ADAMTS12: variants seen among roughly 807,000 people sequenced by gnomAD.
ADAMTS12 encodes the protein A disintegrin and metalloproteinase with thrombospondin motifs 12.
In ADAMTS12, 118 loss-of-function variants were observed where a neutral mutation model predicts 167.8. That is an observed-to-expected ratio of 0.70 (90% CI 0.61 to 0.82). The LOEUF is 0.82. Among genes scored for constraint, ADAMTS12 ranks in the 40% least tolerant of loss-of-function variants. The probability of loss-of-function intolerance (pLI) is 0.00; values close to 1 mark genes in which losing one functional copy is unlikely to be tolerated. For missense variants in ADAMTS12, 1,916 were observed against 1,998.8 expected (o/e 0.96, Z 0.79); for synonymous variants, 704 against 716.9 (o/e 0.98, Z 0.29).
At chr5:33,858,161 T>C (rs1418579373) in intron 2 of ADAMTS12, among the ~76,000 whole-genome samples, 3 of 152,154 alleles carry the variant, frequency 2.0e-5, no homozygotes, top group African/African-American at 7.2e-5. Flanking sequence ...TAAAATGGAA[T>C]TCAATAACAG....
chr5:33,693,236 C>T (rs1016978919), intron 3 of ADAMTS12, among the ~76,000 whole-genome samples: 1 of 152,178 alleles, frequency 6.6e-6, no homozygotes, highest in African/African-American at 2.4e-5. Context: ...AATAATCAAG[C>T]TCAAAGTCAA....
intron 2 of ADAMTS12, among the ~76,000 whole-genome samples, chr5:33,852,802 G>T (rs1456334135): frequency 6.6e-6 from 1 of 152,172 alleles, no homozygotes; most frequent in Non-Finnish European, 1.5e-5. Context: ...TTGAAAGGAA[G>T]ATTTTCAGTA....
intron 3 of ADAMTS12, among the ~76,000 whole-genome samples, chr5:33,746,450 G>A (rs1337597352): frequency 6.6e-6 from 1 of 152,140 alleles, no homozygotes; most frequent in East Asian, 1.9e-4. Context: ...TTTTTAAAAA[G>A]CATCTCACAA....
intron 9 of ADAMTS12, among the ~76,000 whole-genome samples, chr5:33,646,049 T>G (rs1380003873): frequency 6.6e-6 from 1 of 152,192 alleles, no homozygotes; most frequent in Non-Finnish European, 1.5e-5. Flanking sequence ...GGAACCACTG[T>G]GCAGGGTTCT....
At chr5:33,698,423 T>C (rs1173831395) in intron 3 of ADAMTS12, among the ~76,000 whole-genome samples, 1 of 152,068 alleles carries the variant, frequency 6.6e-6, no homozygotes, top group Non-Finnish European at 1.5e-5. Flanking sequence ...TCATCATGGT[T>C]CCCAGAATAA....
Position 33,528,768 on chromosome 5 carries a change from C to G in ADAMTS12, c.4607-1402G>C, listed in dbSNP as rs563712556. Among the ~76,000 whole-genome samples, 9 of 152,286 alleles carry G rather than the reference C, an allele frequency of 5.9e-5. No individual in the cohort carries two copies. The South Asian group carries it at 1.9e-3, about 32-fold the overall frequency. On this transcript the variant is annotated intron_variant, in intron 23 of 23. Transcript: ENST00000504830. ...AGCAAAATAACCAATGCTTCCGGGC[C>G]GGGCATGGTGGCTCACGCCTGTAAT... is the stretch of plus-strand genomic sequence containing the variant.
chr5:33,598,288 G>A (rs947969557), intron 16 of ADAMTS12, among the ~76,000 whole-genome samples: 103 of 152,112 alleles, frequency 6.8e-4, no homozygotes, highest in African/African-American at 2.4e-3. Context: ...CCAGTAGGTC[G>A]ACCCCCTGAC....
At chr5:33,532,079 G>T (rs539496223) in intron 23 of ADAMTS12, among the ~76,000 whole-genome samples, 105 of 152,160 alleles carry the variant, frequency 6.9e-4, no homozygotes, top group African/African-American at 2.4e-3. Context: ...TATAATTATG[G>T]GCAACTTGGA....
At chr5:33,542,882 A>G (rs1370797783) in intron 22 of ADAMTS12, among the ~76,000 whole-genome samples, 1 of 152,246 alleles carries the variant, frequency 6.6e-6, no homozygotes, top group Non-Finnish European at 1.5e-5. Flanking sequence ...AGGGAAATTT[A>G]TAACACTAAA....
intron 3 of ADAMTS12, among the ~76,000 whole-genome samples, chr5:33,705,821 C>CAAT (rs138711243): frequency 0.038 from 5,719 of 151,206 alleles, 346 homozygotes; most frequent in African/African-American, 0.13. Context: ...AAAATAATAA[C>CAAT]AATAATAATA....
intron 1 of ADAMTS12, among the ~76,000 whole-genome samples, chr5:33,887,350 TGGGCAATC>T (rs1485275908): frequency 1.3e-5 from 2 of 152,114 alleles, no homozygotes; most frequent in African/African-American, 4.8e-5. Context: ...GATTTTTTCC[TGGGCAATC>T]GGATCCCAGA....
chr5:33,861,085 A>G (rs1486049880), intron 2 of ADAMTS12, among the ~76,000 whole-genome samples: 2 of 152,200 alleles, frequency 1.3e-5, no homozygotes, highest in Non-Finnish European at 2.9e-5. Context: ...AACATACCAA[A>G]TTGTAAAGAC....
chr5:33,880,948 CTTTTA>C (rs1750411995), intron 2 of ADAMTS12, 166 bp downstream of exon 2: 1 of 960,990 alleles, frequency 1.0e-6, no homozygotes, highest in Admixed American at 2.9e-5. Context: ...AAGTCGATCT[CTTTTA>C]TTTATTAAAT....
At chr5:33,591,080 AAG>A (rs1747613494) in intron 17 of ADAMTS12, among the ~76,000 whole-genome samples, 1 of 77,536 alleles carries the variant, frequency 1.3e-5, no homozygotes, top group African/African-American at 5.6e-5. Flanking sequence ...CTAAATGTCT[AAG>A]TGTGTGTGTG....
chr5:33,849,466 T>G (rs1031989050), intron 2 of ADAMTS12, among the ~76,000 whole-genome samples: 1 of 145,382 alleles, frequency 6.9e-6, no homozygotes, highest in Non-Finnish European at 1.5e-5. Flanking sequence ...CAGCAATATA[T>G]ATATATGTAT....
intron 2 of ADAMTS12, among the ~76,000 whole-genome samples, chr5:33,810,930 C>T (rs1026010530): frequency 2.6e-5 from 4 of 152,170 alleles, no homozygotes; most frequent in African/African-American, 9.7e-5. Flanking sequence ...GCTCCTTGTC[C>T]CACCTCTTTG....
chr5:33,710,563 G>A (rs914940958), intron 3 of ADAMTS12, among the ~76,000 whole-genome samples: 1 of 152,178 alleles, frequency 6.6e-6, no homozygotes, highest in African/African-American at 2.4e-5. Flanking sequence ...ATATCAGTGA[G>A]CAATAATGAC....
chr5:33,530,635 G>A (rs898858834), intron 23 of ADAMTS12, among the ~76,000 whole-genome samples: 1 of 152,170 alleles, frequency 6.6e-6, no homozygotes, highest in Non-Finnish European at 1.5e-5. Context: ...AGGCTCAGCT[G>A]ACAGCAACCG....
At chr5:33,536,669 C>T (rs1744428560) in intron 22 of ADAMTS12, among the ~76,000 whole-genome samples, 1 of 152,210 alleles carries the variant, frequency 6.6e-6, no homozygotes, top group Non-Finnish European at 1.5e-5. Flanking sequence ...TCCCTCCATT[C>T]TTTGCTATGC....
Sources: gnomAD v4.1 joint callset for allele counts (sites outside exome capture counted in the v4.1 genomes callset) on GRCh38, gnomAD v4.1.1 for gene constraint, MANE v1.5 for transcripts, NCBI Gene and HGNC (gene_info 2026-07-23, HGNC 2026-07-21) for gene names.